The following SPTLC1 variants were observed in gnomAD, a reference collection of about 807,000 sequenced individuals.
SPTLC1 encodes the protein serine palmitoyltransferase long chain base subunit 1.
SPTLC1 carries 55 observed loss-of-function variants against 68.9 expected under a neutral mutation model. That is an observed-to-expected ratio of 0.80 (90% CI 0.64 to 1.00). SPTLC1 has a LOEUF of 1.00. Among genes scored for constraint, SPTLC1 ranks in the 50% least tolerant of loss-of-function variants. The pLI, the probability that SPTLC1 is intolerant of heterozygous loss-of-function variation, is 0.00. For missense variants in SPTLC1, 449 were observed against 573.1 expected (o/e 0.78, Z 2.21); for synonymous variants, 197 against 201.6 (o/e 0.98, Z 0.19).
chr9:92,094,931 C>T (rs1835479880), intron 3 of SPTLC1, among the ~76,000 whole-genome samples: 1 of 152,188 alleles, frequency 6.6e-6, no homozygotes, highest in Non-Finnish European at 1.5e-5. Context: ...ACCTTCCTGG[C>T]TGACAATGAC....
intron 3 of SPTLC1, among the ~76,000 whole-genome samples, chr9:92,086,857 C>T (rs1426860405): frequency 6.6e-6 from 1 of 152,212 alleles, no homozygotes; most frequent in African/African-American, 2.4e-5. Context: ...TGGTTCCATT[C>T]TCCCCGTCAC....
chr9:92,061,894 C>G (rs961630797), intron 6 of SPTLC1, among the ~76,000 whole-genome samples: 1 of 151,838 alleles, frequency 6.6e-6, no homozygotes, highest in African/African-American at 2.4e-5. Context: ...CACAGAAAGG[C>G]AGAAAAGAGA....
intron 13 of SPTLC1, among the ~76,000 whole-genome samples, chr9:92,036,775 C>G (rs1833153992): frequency 6.6e-6 from 1 of 152,312 alleles, no homozygotes; most frequent in Middle Eastern, 3.4e-3. Flanking sequence ...TGTATGAGAA[C>G]TCTAATCACA....
In SPTLC1 at chr9:92,112,649, T is replaced by G. The variant is rs536383492; in HGVS notation, c.58-87A>C. 347 of 814,608 alleles carry G rather than the reference T, an allele frequency of 4.3e-4. 1 individual carries two copies. Among genetic ancestry groups the G allele is most frequent in the African/African-American group, 4.0e-3 (238 of 59,574 alleles). The allele number at this position is 814,608 out of a possible 1,614,324, so 50.5% of individuals were successfully genotyped here. The stretch of plus-strand genomic sequence containing the variant: ...ATTTACTACACCTGCATATACTGCC[T>G]CCTGTGACTTTTAGCCTATTCTTAA... On this transcript the variant is annotated intron_variant, in intron 1 of 14. Transcript: ENST00000262554.
chr9:92,057,904 T>TA (rs958593303), intron 7 of SPTLC1, among the ~76,000 whole-genome samples: 3 of 152,040 alleles, frequency 2.0e-5, no homozygotes, highest in African/African-American at 7.2e-5. Context: ...GTTGCTCATT[T>TA]AAAAAAAAGT....
intron 6 of SPTLC1, among the ~76,000 whole-genome samples, chr9:92,061,808 A>AATGT (rs1834113798): frequency 6.6e-6 from 1 of 152,220 alleles, no homozygotes; most frequent in Non-Finnish European, 1.5e-5. Context: ...ATATATGTGT[A>AATGT]ATGTAACACT....
In SPTLC1 at chr9:92,099,604, C is replaced by G. The variant is rs1835671185; in HGVS notation, c.260+9136G>C. ...AAGCCATCTTCCCACCTCATCCTCC[C>G]AAGTAGCTGGGACTATAGGCCTATA... On this transcript the variant is annotated intron_variant, in intron 3 of 14. Coordinates refer to ENST00000262554, the MANE Select transcript of SPTLC1 (RefSeq NM_006415.4). Among the ~76,000 whole-genome samples, 5 of 151,980 alleles carry G rather than the reference C, an allele frequency of 3.3e-5. No homozygotes were observed. The South Asian group carries it at 1.0e-3, about 32-fold the overall frequency.
intron 1 of SPTLC1, among the ~76,000 whole-genome samples, chr9:92,113,908 C>T (rs1836334061): frequency 6.6e-6 from 1 of 152,126 alleles, no homozygotes; most frequent in South Asian, 2.1e-4. Context: ...CCGCACTATC[C>T]CTAGCATCTA....
chr9:92,054,136 C>G (rs1833801876), intron 8 of SPTLC1: 1 of 160,430 alleles, frequency 6.2e-6, no homozygotes, highest in Non-Finnish European at 1.3e-5. Flanking sequence ...ACAAAATTAG[C>G]CGGGCATGGT....
chr9:92,088,833 G>C (rs1027374272), intron 3 of SPTLC1, among the ~76,000 whole-genome samples: 2 of 152,172 alleles, frequency 1.3e-5, no homozygotes, highest in Non-Finnish European at 2.9e-5. Flanking sequence ...AGCAGGAATA[G>C]GTCATAATGG....
At chr9:92,097,698 G>C (rs1000060569) in intron 3 of SPTLC1, among the ~76,000 whole-genome samples, 4 of 152,258 alleles carry the variant, frequency 2.6e-5, no homozygotes, top group African/African-American at 9.6e-5. Context: ...TAATGGCTTT[G>C]GGATTTCTTT....
intron 3 of SPTLC1, among the ~76,000 whole-genome samples, chr9:92,086,508 GT>G (rs1157277295): frequency 1.3e-5 from 2 of 151,900 alleles, no homozygotes; most frequent in African/African-American, 4.8e-5. Context: ...ACGAAGCTTA[GT>G]TTGGCTGGAT....
chr9:92,039,037 G>C (rs1036157389), intron 12 of SPTLC1, among the ~76,000 whole-genome samples: 11 of 152,192 alleles, frequency 7.2e-5, no homozygotes, highest in African/African-American at 2.7e-4. Context: ...GTCCCAGCTA[G>C]TTGGGAAGCT....
chr9:92,081,912 T>G (rs768602250), intron 3 of SPTLC1, among the ~76,000 whole-genome samples: 28 of 152,160 alleles, frequency 1.8e-4, no homozygotes, highest in African/African-American at 6.5e-4. Context: ...AAAACACAGA[T>G]GCTGGGAAAC....
chr9:92,046,075 G>T (rs1564085011), intron 11 of SPTLC1, 22 bp from the exon 12 acceptor site: 1 of 1,603,224 alleles, frequency 6.2e-7, no homozygotes, highest in African/African-American at 1.4e-5. Flanking sequence ...AAATACGTTT[G>T]AGAGTCTATT....
chr9:92,056,744 T>C (rs1004872529), intron 7 of SPTLC1, among the ~76,000 whole-genome samples: 4 of 152,138 alleles, frequency 2.6e-5, no homozygotes, highest in Non-Finnish European at 4.4e-5. Flanking sequence ...AATTAGAAAG[T>C]ATCAGAGCAA....
chr9:92,052,534 A>G (rs79294389), intron 8 of SPTLC1, among the ~76,000 whole-genome samples: 1 of 147,496 alleles, frequency 6.8e-6, no homozygotes, highest in African/African-American at 2.5e-5. Flanking sequence ...TATTATTATT[A>G]TTTTTTTTTT....
chr9:92,039,130 G>A (rs1054667503), intron 12 of SPTLC1, among the ~76,000 whole-genome samples: 1 of 151,948 alleles, frequency 6.6e-6, no homozygotes, highest in Non-Finnish European at 1.5e-5. Context: ...TTGGGTGACA[G>A]AGCAAAACTC....
chr9:92,048,659 T>C lies in SPTLC1; in HGVS notation c.889-951A>G, dbSNP rs188680751. ...CTTCATGGGGTTTCATCTATAAACA[T>C]TGCACTGTGTATTTCTAAAAGATAA... On this transcript the variant is annotated intron_variant, in intron 9 of 14. Transcript: ENST00000262554. Among the ~76,000 whole-genome samples, 17 of 152,288 alleles carry C rather than the reference T, an allele frequency of 1.1e-4. No homozygotes were observed. The East Asian group carries it at 3.3e-3, about 29-fold the overall frequency.
Sources: gnomAD v4.1 joint callset for allele counts (sites outside exome capture counted in the v4.1 genomes callset) on GRCh38, gnomAD v4.1.1 for gene constraint, MANE v1.5 for transcripts, NCBI Gene and HGNC (gene_info 2026-07-23, HGNC 2026-07-21) for gene names.